The following DDX60 variants were observed in gnomAD, a reference collection of about 807,000 sequenced individuals.
DDX60 encodes the protein probable ATP-dependent RNA helicase DDX60.
Under a neutral mutation model 212.8 loss-of-function variants are expected in DDX60, and 165 were observed. The observed-to-expected ratio is 0.78, with a 90% CI of 0.68 to 0.88. DDX60 has a LOEUF of 0.88. Among genes scored for constraint, DDX60 ranks in the 40% least tolerant of loss-of-function variants. The pLI is 0.00. For missense variants in DDX60, 1,905 were observed against 2,003.9 expected (o/e 0.95, Z 0.94); for synonymous variants, 703 against 685.3 (o/e 1.03, Z -0.40).
intron 33 of DDX60, among the ~76,000 whole-genome samples, chr4:168,229,994 A>G (rs1733387667): frequency 6.6e-6 from 1 of 152,054 alleles, no homozygotes; most frequent in African/African-American, 2.4e-5. Context: ...ACACATAAGG[A>G]CTCACATAAA....
chr4:168,268,978 C>CA lies in DDX60; in HGVS notation c.2671-10dup, dbSNP rs33910888. On this transcript the variant is annotated splice_polypyrimidine_tract_variant and intron_variant, in intron 19 of 37. Transcript: ENST00000393743. Reference sequence around the variant, plus strand: ...CCACCAAGACAATGAACCTATTAAACAAAAAAAAAAAAATCTCAACTGAAA... The same window carrying CA: ...CCACCAAGACAATGAACCTATTAAACAAAAAAAAAAAAAATCTCAACTGAAA... 22,771 of 1,118,284 alleles carry CA rather than the reference C, an allele frequency of 0.02. 8 individuals carry two copies. The highest frequency in any genetic ancestry group is 0.022 in the Non-Finnish European group (17,626 of 810,976). The allele number at this position is 1,118,284 out of a possible 1,614,324, so 69.3% of individuals were successfully genotyped here.
chr4:168,242,097 G>C (rs529019271), intron 30 of DDX60, among the ~76,000 whole-genome samples: 19 of 152,344 alleles, frequency 1.2e-4, no homozygotes, highest in African/African-American at 4.1e-4. Context: ...GAGCATGACA[G>C]TGCACAGAAG....
At chr4:168,272,551 C>A (rs1735149127) in intron 18 of DDX60, among the ~76,000 whole-genome samples, 1 of 152,204 alleles carries the variant, frequency 6.6e-6, no homozygotes, top group African/African-American at 2.4e-5. Flanking sequence ...AACTGCAAGG[C>A]AGGCCTGATG....
At chr4:168,287,590 C>T (rs1158363712) in intron 9 of DDX60, among the ~76,000 whole-genome samples, 1 of 152,070 alleles carries the variant, frequency 6.6e-6, no homozygotes, top group African/African-American at 2.4e-5. Context: ...AGTTTATATG[C>T]AGCTAATTCA....
chr4:168,220,480 A>G, intron 37 of DDX60, 175 bp downstream of exon 37: 2 of 480,704 alleles, frequency 4.2e-6, no homozygotes, highest in Non-Finnish European at 3.7e-6. Flanking sequence ...TATAGAAATA[A>G]TACAACACGT....
intron 1 of DDX60, among the ~76,000 whole-genome samples, chr4:168,316,730 A>G (rs1737398419): frequency 6.6e-6 from 1 of 152,144 alleles, no homozygotes; most frequent in Non-Finnish European, 1.5e-5. Flanking sequence ...TTTAAACGAT[A>G]GCACAACAAA....
Position 168,318,690 on chromosome 4 carries a change from G to A in DDX60, c.-175C>T, listed in dbSNP as rs924883939. 10 of 152,518 alleles carry A rather than the reference G, an allele frequency of 6.6e-5. No homozygotes were observed. The highest frequency in any genetic ancestry group is 1.0e-4 in the Non-Finnish European group (7 of 68,142). 9.4% of individuals were successfully genotyped at this position (152,518 alleles called of 1,614,324 possible). On this transcript the variant is annotated 5_prime_UTR_variant, in exon 1 of 38. Transcript: ENST00000393743. ...CGCCCCGCGGGGAGGGAGTGAAACA[G>A]AGACCTAGCGCAGAGCCCAGGTGGA...
intron 15 of DDX60, 108 bp from the exon 16 acceptor site, chr4:168,275,611 A>C: frequency 2.1e-6 from 2 of 965,780 alleles, no homozygotes; most frequent in South Asian, 5.3e-5. Flanking sequence ...GCATTTTACC[A>C]CCTTTTAAAT....
chr4:168,297,330 GAA>G (rs1387118579), intron 6 of DDX60, among the ~76,000 whole-genome samples: 1 of 72,280 alleles, frequency 1.4e-5, no homozygotes, highest in African/African-American at 1.2e-4. Context: ...AAGAAAGAAA[GAA>G]AGAAAGAAAG....
At chr4:168,226,289 T>C (rs1159375586) in intron 33 of DDX60, among the ~76,000 whole-genome samples, 1 of 152,098 alleles carries the variant, frequency 6.6e-6, no homozygotes, top group East Asian at 1.9e-4. Flanking sequence ...TCTCAAAATT[T>C]ATATGTTAAA....
chr4:168,225,634 C>T lies in DDX60; in HGVS notation c.4576G>A (p.Asp1526Asn). ...TCCATAATTTTCATGTTATATTCATCTAAAGCATCACTAAAATCCTCAGGG... is the reference window on the plus strand; with the variant it reads ...TCCATAATTTTCATGTTATATTCATTTAAAGCATCACTAAAATCCTCAGGG... ...DLPEDFSDAL[D>N]EYNMKIMEDF... Residue 1526 changes from aspartate to asparagine, a missense_variant, in exon 34 of 38, where the codon GAT becomes AAT. Physicochemically the swap from Asp to Asn is conservative, Grantham distance 23. Coordinates refer to ENST00000393743, the MANE Select transcript of DDX60 (RefSeq NM_017631.6). 6.2e-7 allele frequency: 1 copy of T among 1,611,694 alleles called. No individual in the cohort carries two copies. The highest frequency in any genetic ancestry group is 1.3e-5 in the African/African-American group (1 of 74,914).
At chr4:168,289,612 GT>G (rs1185342694) in intron 8 of DDX60, among the ~76,000 whole-genome samples, 1 of 151,882 alleles carries the variant, frequency 6.6e-6, no homozygotes, top group Non-Finnish European at 1.5e-5. Context: ...ATTTCAAATT[GT>G]TTACTAGATA....
chr4:168,297,266 A>G (rs1334377129), intron 6 of DDX60, among the ~76,000 whole-genome samples: 2 of 144,256 alleles, frequency 1.4e-5, no homozygotes, highest in Non-Finnish European at 3.0e-5. Flanking sequence ...AAAGAAAGAA[A>G]GAAAAAGAAA....
rs1481295134 is a variant in DDX60 at position 168,289,352 on chromosome 4, G to A, written c.1042-1037C>T. 2.0e-5 allele frequency among the ~76,000 whole-genome samples: 3 copies of A among 151,970 alleles called. No individual in the cohort carries two copies. The East Asian group carries it at 5.8e-4, about 29-fold the overall frequency. The stretch of plus-strand genomic sequence containing the variant: ...ACTGCCCAGTTCCTTTGACCTTCAG[G>A]ACAACCCATTCTCCTTGATTTTATT... On this transcript the variant is annotated intron_variant, in intron 8 of 37. Transcript: ENST00000393743.
At chr4:168,303,132 C>A (rs1261360400) in intron 5 of DDX60, among the ~76,000 whole-genome samples, 2 of 151,856 alleles carry the variant, frequency 1.3e-5, no homozygotes, top group African/African-American at 4.8e-5. Context: ...GAAACCCCAT[C>A]TCTACTAAAA....
Position 168,217,044 on chromosome 4 carries a change from G to GA in DDX60, c.5040-13dup. 6.4e-7 allele frequency: 1 copy of GA among 1,569,566 alleles called. No individual in the cohort carries two copies. The highest frequency in any genetic ancestry group is 1.2e-5 in the South Asian group (1 of 86,316). On this transcript the variant is annotated splice_polypyrimidine_tract_variant and intron_variant, in intron 37 of 37. Transcript: ENST00000393743. ...CACGCAAGGAAACACTGGAAATGGG[G>GA]AAAAAAATATAGGATCCACTTTAGT...
intron 7 of DDX60, among the ~76,000 whole-genome samples, chr4:168,292,582 G>T (rs1235697735): frequency 6.6e-6 from 1 of 152,164 alleles, no homozygotes; most frequent in Non-Finnish European, 1.5e-5. Context: ...CACATTAAAT[G>T]CTCTATCCCA....
At position 168,220,700 on chromosome 4, in the gene DDX60, G is replaced by C; in HGVS notation, c.4994C>G (p.Ala1665Gly). The change falls in exon 37 of 38, where the codon GCT becomes GGT. Residue 1665 changes from alanine to glycine, a missense_variant. Transcript: ENST00000393743. ...TGCAAAATCCTTCAACAAATAATAA[G>C]CATCTCCTTCATTCATCCTAAAGAA... ...VQDNRMNEGD[A>G]YYLLKDFALT... 6.9e-7 allele frequency: 1 copy of C among 1,440,066 alleles called. No individual in the cohort carries two copies. The highest frequency in any genetic ancestry group is 9.2e-7 in the Non-Finnish European group (1 of 1,091,342). The allele number at this position is 1,440,066 out of a possible 1,614,324, so 89.2% of individuals were successfully genotyped here.
chr4:168,259,734 C>T (rs1335096192), intron 25 of DDX60, among the ~76,000 whole-genome samples: 1 of 149,950 alleles, frequency 6.7e-6, no homozygotes, highest in Non-Finnish European at 1.5e-5. Context: ...ACTTTGATGT[C>T]CAACGAAATT....
Sources: gnomAD v4.1 joint callset for allele counts (sites outside exome capture counted in the v4.1 genomes callset) on GRCh38, gnomAD v4.1.1 for gene constraint, MANE v1.5 for transcripts, NCBI Gene and HGNC (gene_info 2026-07-23, HGNC 2026-07-21) for gene names.